The following FGGY variants were observed in gnomAD, a reference collection of about 807,000 sequenced individuals.
The protein encoded by FGGY is FGGY carbohydrate kinase domain containing.
A neutral mutation model predicts 71.3 loss-of-function variants in FGGY; 72 were observed. The ratio of observed to expected loss-of-function variants is 1.01; its 90% CI spans 0.84 to 1.23. The LOEUF is 1.23. FGGY is among the 50% of genes most tolerant of loss of function. FGGY has a pLI of 0.00. For missense variants in FGGY, 668 were observed against 682.3 expected (o/e 0.98, Z 0.23); for synonymous variants, 251 against 250.3 (o/e 1.00, Z -0.02).
chr1:59,338,149 A>G (rs372670413), intron 2 of FGGY, among the ~76,000 whole-genome samples: 12 of 152,254 alleles, frequency 7.9e-5, no homozygotes, highest in African/African-American at 2.6e-4. Flanking sequence ...TAATTAATTT[A>G]TGGATATTAA....
intron 14 of FGGY, among the ~76,000 whole-genome samples, chr1:59,677,206 GA>G (rs762971583): frequency 1.3e-5 from 2 of 152,182 alleles, no homozygotes; most frequent in African/African-American, 2.4e-5. Context: ...AGGCAAAATT[GA>G]ATTGCTTTCT....
At chr1:59,474,965 G>T (rs2093187447) in intron 6 of FGGY, among the ~76,000 whole-genome samples, 1 of 152,138 alleles carries the variant, frequency 6.6e-6, no homozygotes, top group Non-Finnish European at 1.5e-5. Flanking sequence ...AGGTAATAAT[G>T]CAGGTAAAGT....
intron 2 of FGGY, among the ~76,000 whole-genome samples, chr1:59,325,356 C>CCAA (rs563370217): frequency 8.6e-4 from 111 of 128,808 alleles, no homozygotes; most frequent in African/African-American, 3.1e-3. Context: ...GACTCCGTGT[C>CCAA]CAACAACAGC....
chr1:59,525,238 C>T (rs1457076189), intron 7 of FGGY, among the ~76,000 whole-genome samples: 2 of 152,224 alleles, frequency 1.3e-5, no homozygotes, highest in African/African-American at 2.4e-5. Flanking sequence ...ACTTGCTCAC[C>T]CACACACCCC....
intron 14 of FGGY, chr1:59,697,661 T>C (rs775762341): frequency 4.6e-6 from 6 of 1,303,882 alleles, no homozygotes; most frequent in Non-Finnish European, 6.1e-6. Context: ...GGGAAATAGA[T>C]AGCTCAGTTG....
intron 1 of FGGY, among the ~76,000 whole-genome samples, chr1:59,302,435 T>A (rs1225214322): frequency 2.0e-5 from 3 of 152,114 alleles, no homozygotes; most frequent in Admixed American, 6.5e-5. Context: ...GTAGATTGGA[T>A]AAAGAAAATG....
chr1:59,645,494 A>G (rs1200716189), intron 11 of FGGY, among the ~76,000 whole-genome samples: 1 of 152,188 alleles, frequency 6.6e-6, no homozygotes, highest in East Asian at 1.9e-4. Context: ...ACAGAAAGCA[A>G]GTTTCATACA....
chr1:59,627,334 T>C (rs2096866354), intron 10 of FGGY, among the ~76,000 whole-genome samples: 1 of 151,414 alleles, frequency 6.6e-6, no homozygotes, highest in Non-Finnish European at 1.5e-5. Context: ...ACTCTTTATG[T>C]GTATGCTACA....
chr1:59,566,666 G>A (rs1028692866), intron 8 of FGGY, among the ~76,000 whole-genome samples: 1 of 152,120 alleles, frequency 6.6e-6, no homozygotes, highest in Non-Finnish European at 1.5e-5. Flanking sequence ...TTCTGGCTGT[G>A]TTCTTATGGG....
chr1:59,728,185 A>G (rs1281372476), intron 14 of FGGY, among the ~76,000 whole-genome samples: 2 of 152,000 alleles, frequency 1.3e-5, no homozygotes, highest in African/African-American at 2.4e-5. Context: ...CTCTCTTAGC[A>G]TATCAATTAT....
intron 8 of FGGY, among the ~76,000 whole-genome samples, chr1:59,604,080 T>C (rs1367249727): frequency 6.6e-6 from 1 of 152,186 alleles, no homozygotes; most frequent in Non-Finnish European, 1.5e-5. Flanking sequence ...ACAGTAAGTC[T>C]CAACTATTGT....
chr1:59,685,808 G>C (rs752364754), intron 14 of FGGY, among the ~76,000 whole-genome samples: 2 of 152,060 alleles, frequency 1.3e-5, no homozygotes, highest in African/African-American at 4.8e-5. Context: ...AGGCTGGAGC[G>C]CAGTGACATA....
chr1:59,627,489 T>TACACAC (rs34618549), intron 10 of FGGY, among the ~76,000 whole-genome samples: 5 of 92,778 alleles, frequency 5.4e-5, no homozygotes, highest in South Asian at 3.8e-4. Context: ...TATATATATA[T>TACACAC]ACACACACAC....
intron 1 of FGGY, among the ~76,000 whole-genome samples, chr1:59,303,296 C>G (rs1278715272): frequency 1.3e-5 from 2 of 152,140 alleles, no homozygotes; most frequent in African/African-American, 2.4e-5. Context: ...AACCACCATT[C>G]TCCTCTCTGC....
At chr1:59,393,903 G>A (rs1456083178) in intron 5 of FGGY, among the ~76,000 whole-genome samples, 1 of 152,128 alleles carries the variant, frequency 6.6e-6, no homozygotes, top group African/African-American at 2.4e-5. Flanking sequence ...GTCAGAAGTG[G>A]GAAGAAGTAC....
chr1:59,340,588 C>T (rs1311502622), intron 3 of FGGY, among the ~76,000 whole-genome samples: 1 of 152,108 alleles, frequency 6.6e-6, no homozygotes, highest in Non-Finnish European at 1.5e-5. Context: ...TGGTGTTGTC[C>T]TAATAGACAC....
At position 59,464,232 on chromosome 1, in the gene FGGY, C is replaced by T. The variant is rs571496701; in HGVS notation, c.670+7156C>T. ...AAACTCACTCAAAACTGCACAACTACGTGGAAAGTGAACAACCTGCTCCTG... is the reference window on the plus strand; with the variant it reads ...AAACTCACTCAAAACTGCACAACTATGTGGAAAGTGAACAACCTGCTCCTG... On this transcript the variant is annotated intron_variant, in intron 6 of 15. Transcript: ENST00000303721. Among the ~76,000 whole-genome samples, 10 of 152,318 alleles carry T rather than the reference C, an allele frequency of 6.6e-5. No individual in the cohort carries two copies. The East Asian group carries it at 1.2e-3, about 18-fold the overall frequency.
intron 5 of FGGY, among the ~76,000 whole-genome samples, chr1:59,411,321 A>G (rs543991832): frequency 3.9e-4 from 60 of 152,382 alleles, no homozygotes; most frequent in African/African-American, 1.4e-3. Flanking sequence ...TGCCTTTCAC[A>G]GTGCATCACA....
At chr1:59,380,685 G>C (rs750010239) in intron 5 of FGGY, among the ~76,000 whole-genome samples, 6 of 151,662 alleles carry the variant, frequency 4.0e-5, no homozygotes, top group Non-Finnish European at 8.8e-5. Context: ...GTAGATTCTG[G>C]ATATTAGTCC....
Sources: allele counts gnomAD v4.1 joint callset (sites outside exome capture counted in the v4.1 genomes callset), GRCh38; gene constraint gnomAD v4.1.1; transcripts MANE v1.5; gene names NCBI Gene and HGNC (gene_info 2026-07-23, HGNC 2026-07-21).